Variants in TNIP3 observed in about 807,000 individuals in gnomAD.
The protein encoded by TNIP3 is TNFAIP3-interacting protein 3.
Under a neutral mutation model 54.1 loss-of-function variants are expected in TNIP3, and 34 were observed. The observed-to-expected ratio is 0.63, with a 90% CI of 0.48 to 0.84. The LOEUF is 0.84. TNIP3 is among the 40% of genes least tolerant of loss of function. The probability of loss-of-function intolerance (pLI) is 0.00; values close to 1 mark genes in which losing one functional copy is unlikely to be tolerated. For synonymous variants in TNIP3, 134 were observed against 136.8 expected (o/e 0.98, Z 0.14); for missense variants, 366 against 387.6 (o/e 0.94, Z 0.47).
intron 1 of TNIP3, among the ~76,000 whole-genome samples, chr4:121,222,162 C>G (rs1360010606): frequency 6.6e-6 from 1 of 152,166 alleles, no homozygotes; most frequent in Non-Finnish European, 1.5e-5. Flanking sequence ...CTTGATGCAT[C>G]TTAGAGGCTT....
intron 3 of TNIP3, among the ~76,000 whole-genome samples, chr4:121,170,319 T>C (rs1241773801): frequency 6.6e-6 from 1 of 152,230 alleles, no homozygotes; most frequent in African/African-American, 2.4e-5. Flanking sequence ...TGAGTCCGTT[T>C]ATGTATGAAT....
In TNIP3 at chr4:121,154,625, G is replaced by A; in HGVS notation, c.418C>T (p.Leu140Phe). ...ELHELKEENK[L>F]LKGKNTLANK... Reference sequence around the variant, plus strand: ...GCAAGAGTATTTTTTCCCTTTAAAAGTTTATTCTCTTCTTTCAATTCATGT... The same window carrying A: ...GCAAGAGTATTTTTTCCCTTTAAAAATTTATTCTCTTCTTTCAATTCATGT... The change falls in exon 5 of 11, where the codon CTT (leucine) becomes TTT (phenylalanine). Residue 140 changes from leucine (L) to phenylalanine (F), a missense_variant. By Grantham distance (22) the Leu-to-Phe change is conservative. Transcript: ENST00000057513. The A allele has an allele frequency of 6.2e-7, 1 of 1,613,104 alleles. No homozygotes were observed. Among genetic ancestry groups the A allele is most frequent in the South Asian group, 1.1e-5 (1 of 90,958 alleles).
At chr4:121,143,902 T>C (rs1729274123) in intron 7 of TNIP3, among the ~76,000 whole-genome samples, 1 of 152,160 alleles carries the variant, frequency 6.6e-6, no homozygotes, top group African/African-American at 2.4e-5. Context: ...TGACAGCATA[T>C]ACGTGTGGGC....
intron 3 of TNIP3, among the ~76,000 whole-genome samples, chr4:121,173,817 G>T (rs528128338): frequency 6.6e-6 from 1 of 152,250 alleles, no homozygotes; most frequent in East Asian, 1.9e-4. Context: ...TTTTAGTAGA[G>T]GTGGAGCTTC....
rs60828360 is a variant in TNIP3, at chr4:121,197,217, G to A, written c.69-14421C>T. 2.8e-3 allele frequency among the ~76,000 whole-genome samples: 430 copies of A among 152,086 alleles called. 4 individuals are homozygous for A. Among genetic ancestry groups the A allele is most frequent in the African/African-American group, 9.9e-3 (409 of 41,444 alleles). ...TTAAAGACTTTGGATGTTCTTACAT[G>A]AATGCTCTCTTTAAGAACACCTAAG... is the stretch of plus-strand genomic sequence containing the variant. On this transcript the variant is annotated intron_variant, in intron 2 of 12. Transcript: ENST00000507879.
At chr4:121,183,890 A>G (rs1724856474) in intron 2 of TNIP3, among the ~76,000 whole-genome samples, 1 of 152,074 alleles carries the variant, frequency 6.6e-6, no homozygotes, top group Admixed American at 6.5e-5. Context: ...ATGGTGAGTT[A>G]TGTAATTATT....
At chr4:121,167,861 C>G (rs1353000409), upstream of TNIP3, among the ~76,000 whole-genome samples, 1 of 152,110 alleles carries the variant, frequency 6.6e-6, no homozygotes, top group Admixed American at 6.6e-5. Flanking sequence ...TCCCTGGACT[C>G]GAGACTCCTG....
At chr4:121,174,730 G>T (rs936768298) in intron 3 of TNIP3, among the ~76,000 whole-genome samples, 9 of 151,552 alleles carry the variant, frequency 5.9e-5, no homozygotes, top group African/African-American at 2.2e-4. Context: ...AGTCCCATAA[G>T]AAAACATATT....
intron 1 of TNIP3, 82 bp downstream of exon 1, chr4:121,163,978 T>C: frequency 2.0e-6 from 3 of 1,507,746 alleles, no homozygotes; most frequent in Non-Finnish European, 2.7e-6. Context: ...TTTCTGTTCT[T>C]ATTAATAAGT....
intron 2 of TNIP3, among the ~76,000 whole-genome samples, chr4:121,188,382 G>A (rs867742546): frequency 1.3e-5 from 2 of 151,982 alleles, no homozygotes; most frequent in African/African-American, 4.8e-5. Flanking sequence ...GGGAAATAAC[G>A]GTCTGCCCTG....
chr4:121,147,123 G>GTCTC lies in TNIP3; in HGVS notation c.657_660dup (p.Leu221GlufsTer3), dbSNP rs1359949899. On this transcript the variant is annotated frameshift_variant, in exon 7 of 11. Transcript: ENST00000057513. LOFTEE classifies it high-confidence loss of function. ...TGTAGCTCCTCTTTCTCTTGATTAA[G>GTCTC]TCTCTCTCGATCCGATCGTTCCTTT... The GTCTC allele has an allele frequency of 6.2e-7, 1 of 1,613,154 alleles. No homozygotes were observed. The highest frequency in any genetic ancestry group is 8.5e-7 in the Non-Finnish European group (1 of 1,179,576).
chr4:121,224,318 G>A (rs1011311825), intron 1 of TNIP3, among the ~76,000 whole-genome samples: 1 of 151,682 alleles, frequency 6.6e-6, no homozygotes, highest in African/African-American at 2.4e-5. Flanking sequence ...AGCAGAGATT[G>A]TGCTACTGCA....
At chr4:121,198,927 T>C (rs1025052754) in intron 2 of TNIP3, among the ~76,000 whole-genome samples, 3 of 152,180 alleles carry the variant, frequency 2.0e-5, no homozygotes, top group Admixed American at 6.5e-5. Context: ...GAGAGGATAA[T>C]GAGAAAGAGA....
intron 7 of TNIP3, among the ~76,000 whole-genome samples, chr4:121,143,820 T>A (rs939298403): frequency 4.6e-5 from 7 of 152,252 alleles, no homozygotes; most frequent in Non-Finnish European, 1.0e-4. Context: ...CATGTCTTAA[T>A]GAAGCTTCTC....
chr4:121,195,862 A>G (rs1209957567), intron 2 of TNIP3, among the ~76,000 whole-genome samples: 1 of 152,190 alleles, frequency 6.6e-6, no homozygotes, highest in East Asian at 1.9e-4. Context: ...AGTGAAGTGA[A>G]CTGGTTTTGT....
intron 2 of TNIP3, among the ~76,000 whole-genome samples, chr4:121,159,626 TACTC>T (rs1264119455): frequency 2.0e-5 from 3 of 152,254 alleles, no homozygotes; most frequent in Non-Finnish European, 2.9e-5. Context: ...TTATAATAAA[TACTC>T]AACAAATAGG....
intron 9 of TNIP3, among the ~76,000 whole-genome samples, chr4:121,139,406 T>C (rs1253712326): frequency 6.6e-6 from 1 of 152,204 alleles, no homozygotes; most frequent in Admixed American, 6.5e-5. Flanking sequence ...CCAGCACCTC[T>C]GTATTTAACG....
chr4:121,218,076 G>A (rs1726876170), upstream of TNIP3, among the ~76,000 whole-genome samples: 1 of 151,968 alleles, frequency 6.6e-6, no homozygotes, highest in Non-Finnish European at 1.5e-5. Flanking sequence ...TTATACAGAG[G>A]AAATTTTAAG....
In TNIP3 at chr4:121,164,051, T is replaced by C. The variant is rs763173843; in HGVS notation, c.66+9A>G. Reference sequence around the variant, plus strand: ...GTGATCAACTCATCTCCTAGAAATATGTTCTTACCTCTTTATGCTCCGTAG... The same window carrying C: ...GTGATCAACTCATCTCCTAGAAATACGTTCTTACCTCTTTATGCTCCGTAG... On this transcript the variant is annotated intron_variant, in intron 1 of 10. Transcript: ENST00000057513. The C allele has an allele frequency of 6.2e-6, 10 of 1,613,192 alleles. No homozygotes were observed. Among genetic ancestry groups the C allele is most frequent in the Admixed American group, 5.0e-5 (3 of 59,972 alleles).
Sources: gnomAD v4.1 joint callset for allele counts (sites outside exome capture counted in the v4.1 genomes callset) on GRCh38, gnomAD v4.1.1 for gene constraint, MANE v1.5 for transcripts, NCBI Gene and HGNC (gene_info 2026-07-23, HGNC 2026-07-21) for gene names.